The following FER variants were observed in gnomAD, a reference collection of about 807,000 sequenced individuals.
FER encodes the protein tyrosine-protein kinase Fer.
In FER, 63 loss-of-function variants were observed where a neutral mutation model predicts 111.0. That is an observed-to-expected ratio of 0.57 (90% confidence interval 0.46 to 0.70). The LOEUF (loss-of-function observed/expected upper bound fraction) is 0.70, where lower values mean the gene tolerates loss of function less well. Among genes scored for constraint, FER ranks in the 30% least tolerant of loss-of-function variants. FER has a pLI of 0.00. For synonymous variants in FER, 327 were observed against 313.9 expected (o/e 1.04, Z -0.44); for missense variants, 914 against 954.0 (o/e 0.96, Z 0.55).
At chr5:108,925,780 G>A (rs1226667286) in intron 10 of FER, among the ~76,000 whole-genome samples, 3 of 151,930 alleles carry the variant, frequency 2.0e-5, no homozygotes, top group Non-Finnish European at 4.4e-5. Context: ...TATATTATTG[G>A]ATAAGTACTG....
chr5:109,103,388 CT>C (rs1184835833), intron 17 of FER, among the ~76,000 whole-genome samples: 1 of 152,006 alleles, frequency 6.6e-6, no homozygotes, highest in Non-Finnish European at 1.5e-5. Context: ...CTTTCTTTAG[CT>C]TTGTTTTATT....
chr5:109,123,407 C>T (rs527545470), intron 17 of FER, among the ~76,000 whole-genome samples: 2 of 152,056 alleles, frequency 1.3e-5, no homozygotes, highest in East Asian at 3.9e-4. Flanking sequence ...CCGCCCACCT[C>T]AGCCTCCAAA....
At chr5:108,822,722 T>C (rs151329179) in intron 3 of FER, among the ~76,000 whole-genome samples, 7 of 132,332 alleles carry the variant, frequency 5.3e-5, no homozygotes, top group African/African-American at 2.1e-4. Flanking sequence ...TATTTTATTT[T>C]ATTTTATTTT....
In FER at chr5:109,103,828, TGA is replaced by T. The variant is rs951756155; in HGVS notation, c.2048+3310_2048+3311del. ...TAAGGGGAGTCAGGATTGACATACT[TGA>T]TATTAATGGTAATGGCATTCATTTA... On this transcript the variant is annotated intron_variant, in intron 17 of 19. Coordinates refer to ENST00000281092, the MANE Select transcript of FER (RefSeq NM_005246.4). Among the ~76,000 whole-genome samples the T allele has an allele frequency of 4.9e-4, 75 of 152,342 alleles. 1 individual carries two copies. Among genetic ancestry groups the T allele is most frequent in the African/African-American group, 1.8e-3 (75 of 41,592 alleles).
chr5:109,079,344 G>T (rs1776725866), intron 16 of FER, among the ~76,000 whole-genome samples: 1 of 152,066 alleles, frequency 6.6e-6, no homozygotes, highest in East Asian at 1.9e-4. Flanking sequence ...GAGGGGTGGG[G>T]AAAACACCTT....
intron 17 of FER, among the ~76,000 whole-genome samples, chr5:109,120,014 T>A (rs1176897816): frequency 1.3e-5 from 2 of 152,132 alleles, no homozygotes; most frequent in Non-Finnish European, 2.9e-5. Flanking sequence ...CCTTCTGTAT[T>A]CTAGTTATTA....
chr5:108,932,746 G>A (rs972618263), intron 10 of FER, among the ~76,000 whole-genome samples: 7 of 151,620 alleles, frequency 4.6e-5, no homozygotes, highest in Non-Finnish European at 1.0e-4. Flanking sequence ...TCTCATTGTG[G>A]TTTTGATTTG....
At chr5:108,915,084 A>G (rs139409190) in intron 10 of FER, among the ~76,000 whole-genome samples, 81 of 152,354 alleles carry the variant, frequency 5.3e-4, no homozygotes, top group African/African-American at 1.8e-3. Flanking sequence ...TAAGAAGGTT[A>G]GGTAGAGATG....
chr5:108,867,023 C>T (rs1194533190), intron 5 of FER, among the ~76,000 whole-genome samples: 1 of 152,110 alleles, frequency 6.6e-6, no homozygotes, highest in East Asian at 1.9e-4. Context: ...CCTAGAACTG[C>T]ACTACCTAAG....
chr5:108,806,528 A>C (rs1451123551), intron 3 of FER, among the ~76,000 whole-genome samples: 1 of 152,244 alleles, frequency 6.6e-6, no homozygotes, highest in Non-Finnish European at 1.5e-5. Flanking sequence ...CTGTGAAAGC[A>C]GCTGGAAGGG....
intron 9 of FER, among the ~76,000 whole-genome samples, chr5:108,888,251 A>G (rs62360795): frequency 0.038 from 5,811 of 152,030 alleles, 166 homozygotes; most frequent in Middle Eastern, 0.088. Flanking sequence ...TGCTATGTAA[A>G]TAGGGAATTC....
rs1756781863 is a variant in FER at position 109,168,518 on chromosome 5, C to T, written c.2049-12229C>T. ...ATAAAAACCCAAAAGGACAGTGTTTCCAGAGCTTCCAGATAGCTAAAGATG... is the reference window on the plus strand; with the variant it reads ...ATAAAAACCCAAAAGGACAGTGTTTTCAGAGCTTCCAGATAGCTAAAGATG... On this transcript the variant is annotated intron_variant, in intron 17 of 19. Transcript: ENST00000281092. Among the ~76,000 whole-genome samples the T allele has an allele frequency of 3.3e-5, 5 of 152,210 alleles. No individual in the cohort carries two copies. The South Asian group carries it at 1.0e-3, about 32-fold the overall frequency.
At chr5:108,897,519 A>G (rs1242973725) in intron 9 of FER, 140 bp from the exon 10 acceptor site, 2 of 591,134 alleles carry the variant, frequency 3.4e-6, no homozygotes, top group African/African-American at 3.9e-5. Context: ...ATAACTTAAA[A>G]TCTGCTTAGT....
chr5:109,172,378 G>T (rs192592524), intron 17 of FER, among the ~76,000 whole-genome samples: 1 of 149,718 alleles, frequency 6.7e-6, no homozygotes, highest in Non-Finnish European at 1.5e-5. Flanking sequence ...GTAAACTATC[G>T]CAAGGACAAA....
At chr5:108,963,924 G>A (rs926678786) in intron 13 of FER, among the ~76,000 whole-genome samples, 2 of 152,034 alleles carry the variant, frequency 1.3e-5, no homozygotes, top group Non-Finnish European at 2.9e-5. Context: ...CAATATTACT[G>A]TTTAGTAATT....
In FER at chr5:109,190,104, G is replaced by A. The variant is rs529838917; in HGVS notation, c.*2529G>A. The A allele has an allele frequency of 2.6e-5, 4 of 152,172 alleles. No homozygotes were observed. The highest frequency in any genetic ancestry group is 2.6e-4 in the Admixed American group (4 of 15,272). 9.4% of individuals were successfully genotyped at this position (152,172 alleles called of 1,614,324 possible). Reference sequence around the variant, plus strand: ...AGTTTTTCACTGTTAATTTTGTTGTGCTTGAAGCATAATTTATTCATCCCT... The same window carrying A: ...AGTTTTTCACTGTTAATTTTGTTGTACTTGAAGCATAATTTATTCATCCCT... On this transcript the variant is annotated 3_prime_UTR_variant, in exon 20 of 20. Transcript: ENST00000281092.
At position 108,835,181 on chromosome 5, in the gene FER, G is replaced by GCCGCCCCCCCCCCCC. The variant is rs1312154707; in HGVS notation, c.382-525_382-524insGCCCCCCCCCCCCCC. ...ATGGCAGTGTTATTTCTTCGTTTGC[G>GCCGCCCCCCCCCCCC]CCACCCCCCCCCCCCCACTTTTTTT... On this transcript the variant is annotated intron_variant, in intron 4 of 19. Transcript: ENST00000281092. Among the ~76,000 whole-genome samples, 2 of 56,308 alleles carry GCCGCCCCCCCCCCCC rather than the reference G, an allele frequency of 3.6e-5. 1 individual carries two copies. Among genetic ancestry groups the GCCGCCCCCCCCCCCC allele is most frequent in the Non-Finnish European group, 6.6e-5 (2 of 30,144 alleles). The allele number at this position is 56,308 out of a possible 152,430, so 36.9% of individuals were successfully genotyped here. A position where few individuals can be genotyped will look rare whatever the true frequency, so the allele number is the denominator to read the frequency against.
rs558430188 is a variant in FER, at chr5:108,777,615, C to G, written c.-60+9377C>G. Among the ~76,000 whole-genome samples the G allele has an allele frequency of 2.0e-5, 3 of 152,258 alleles. No individual in the cohort carries two copies. In the South Asian group the frequency reaches 6.2e-4, roughly 32 times the overall value. The stretch of plus-strand genomic sequence containing the variant: ...TCTCTTCCCTCTAAACCCTGGCAAC[C>G]ACTGATCTTTTTACTGTTGTATGAG... On this transcript the variant is annotated intron_variant, in intron 2 of 19. Coordinates refer to ENST00000281092, the MANE Select transcript of FER (RefSeq NM_005246.4).
intron 14 of FER, among the ~76,000 whole-genome samples, chr5:109,039,733 A>G (rs1247432963): frequency 6.6e-6 from 1 of 152,236 alleles, no homozygotes; most frequent in Non-Finnish European, 1.5e-5. Flanking sequence ...AGGGAATGTG[A>G]TAGGAGAGGA....
Sources: allele counts gnomAD v4.1 joint callset (sites outside exome capture counted in the v4.1 genomes callset), GRCh38; gene constraint gnomAD v4.1.1; transcripts MANE v1.5; gene names NCBI Gene and HGNC (gene_info 2026-07-23, HGNC 2026-07-21).